The following SLC28A1 variants were observed in gnomAD, a reference collection of about 807,000 sequenced individuals.
SLC28A1 encodes the protein solute carrier family 28 member 1.
Under a neutral mutation model 74.8 loss-of-function variants are expected in SLC28A1, and 64 were observed. The ratio of observed to expected loss-of-function variants is 0.86; its 90% CI spans 0.70 to 1.05. The LOEUF (loss-of-function observed/expected upper bound fraction) is 1.05. Among genes scored for constraint, SLC28A1 ranks in the 50% least tolerant of loss-of-function variants. The pLI, the probability that SLC28A1 is intolerant of heterozygous loss-of-function variation, is 0.00. For missense variants in SLC28A1, 828 were observed against 822.8 expected, an observed-to-expected ratio of 1.01 and a Z score of -0.08; for synonymous variants, 359 against 335.0, an observed-to-expected ratio of 1.07 and a Z score of -0.78.
At position 84,945,313 on chromosome 15, in the gene SLC28A1, C is replaced by T; in HGVS notation, c.*113C>T. The T allele has an allele frequency of 1.0e-6, 1 of 956,380 alleles. No homozygotes were observed. Among genetic ancestry groups the T allele is most frequent in the Non-Finnish European group, 1.7e-6 (1 of 598,258 alleles). The allele number at this position is 956,380 out of a possible 1,614,324, so 59.2% of individuals were successfully genotyped here. A position where few individuals can be genotyped will look rare whatever the true frequency, so the allele number is the denominator to read the frequency against. On this transcript the variant is annotated 3_prime_UTR_variant, in exon 19 of 19. Coordinates refer to ENST00000394573, the MANE Select transcript of SLC28A1 (RefSeq NM_004213.5). ...CTTCAGGGAAGCCACAGGACTTAGACCCAGCTCAATCCCACAATTGGGAAG... is the reference window on the plus strand; with the variant it reads ...CTTCAGGGAAGCCACAGGACTTAGATCCAGCTCAATCCCACAATTGGGAAG...
At chr15:84,894,340 CCAGCCTGGG>C (rs913077958) in intron 5 of SLC28A1, among the ~76,000 whole-genome samples, 5 of 148,542 alleles carry the variant, frequency 3.4e-5, no homozygotes, top group African/African-American at 1.3e-4. Context: ...CCACTGTACT[CCAGCCTGGG>C]CAACAAAGTG....
intron 6 of SLC28A1, among the ~76,000 whole-genome samples, chr15:84,902,064 G>A (rs1966737071): frequency 6.6e-6 from 1 of 152,102 alleles, no homozygotes; most frequent in Admixed American, 6.6e-5. Flanking sequence ...CAGAAACCTA[G>A]ATAAATCTCA....
At chr15:84,912,278 C>A (rs1968370236) in intron 9 of SLC28A1, among the ~76,000 whole-genome samples, 1 of 152,192 alleles carries the variant, frequency 6.6e-6, no homozygotes, top group African/African-American at 2.4e-5. Flanking sequence ...AGGAAGTTCT[C>A]TCTATTCTTT....
At chr15:84,967,098 C>G in the SLC28A1 span, among the ~76,000 whole-genome samples, 1 of 152,118 alleles carries the variant, frequency 6.6e-6, no homozygotes, top group African/African-American at 2.4e-5. Context: ...GTCATTTTAG[C>G]TTCTGTTATT....
chr15:84,939,710 C>T (rs1567187055), intron 15 of SLC28A1: 1 of 151,252 alleles, frequency 6.6e-6, no homozygotes, highest in Non-Finnish European at 1.5e-5. Context: ...TATATGTGCA[C>T]AAGAAGCAAG....
At chr15:84,914,192 C>G (rs1195750796) in intron 9 of SLC28A1, among the ~76,000 whole-genome samples, 1 of 152,168 alleles carries the variant, frequency 6.6e-6, no homozygotes, top group African/African-American at 2.4e-5. Context: ...TCAAGGGATC[C>G]TCTGGCCTCA....
At chr15:84,974,202 G>A in the SLC28A1 span, among the ~76,000 whole-genome samples, 1 of 152,328 alleles carries the variant, frequency 6.6e-6, no homozygotes, top group African/African-American at 2.4e-5. Flanking sequence ...TTTGCATTTT[G>A]CCTCACATTT....
chr15:84,905,505 A>C (rs570660933), intron 7 of SLC28A1, 34 bp from the exon 8 acceptor site: 11 of 1,469,878 alleles, frequency 7.5e-6, no homozygotes, highest in Non-Finnish European at 1.0e-5. Context: ...CCCTCAAGGA[A>C]CTGAACTCAG....
rs1327227776 is a variant in SLC28A1, at chr15:84,916,241, T to G, written c.796-2283T>G. Among the ~76,000 whole-genome samples the G allele has an allele frequency of 2.4e-3, 127 of 52,416 alleles. 16 individuals carry two copies. The highest frequency in any genetic ancestry group is 0.01 in the African/African-American group (121 of 11,722). 34.4% of individuals were successfully genotyped at this position (52,416 alleles called of 152,430 possible). On this transcript the variant is annotated intron_variant, in intron 9 of 18. Transcript: ENST00000394573. ...CGGCCTCCCAAAGTGCTGGGATTACTTTTTTTTTTTTTTTTTCAAACATGG... is the reference window on the plus strand; with the variant it reads ...CGGCCTCCCAAAGTGCTGGGATTACGTTTTTTTTTTTTTTTTCAAACATGG...
chr15:84,959,874 T>C, the SLC28A1 span, among the ~76,000 whole-genome samples: 1 of 152,210 alleles, frequency 6.6e-6, no homozygotes, highest in Non-Finnish European at 1.5e-5. Context: ...TTGTTTTACG[T>C]TCATACGTAA....
At chr15:84,959,364 C>G in the SLC28A1 span, among the ~76,000 whole-genome samples, 1 of 152,064 alleles carries the variant, frequency 6.6e-6, no homozygotes, top group Non-Finnish European at 1.5e-5. Flanking sequence ...CTCGGTCTTC[C>G]AAAGTGCTGG....
chr15:84,926,087 T>C (rs1055223681), intron 12 of SLC28A1, among the ~76,000 whole-genome samples: 1 of 148,152 alleles, frequency 6.7e-6, no homozygotes, highest in Non-Finnish European at 1.5e-5. Flanking sequence ...TTTATTATTT[T>C]ATCATATATC....
At chr15:84,942,280 CA>C (rs1470329599) in intron 15 of SLC28A1, among the ~76,000 whole-genome samples, 7 of 152,130 alleles carry the variant, frequency 4.6e-5, no homozygotes, top group Non-Finnish European at 7.4e-5. Flanking sequence ...CTTTGTGTTA[CA>C]AACAATCCAA....
chr15:84,914,314 C>T (rs1762904661), intron 9 of SLC28A1, among the ~76,000 whole-genome samples: 1 of 152,164 alleles, frequency 6.6e-6, no homozygotes, highest in African/African-American at 2.4e-5. Flanking sequence ...CCAAAGGCTC[C>T]ACCTCCTAAT....
intron 8 of SLC28A1, among the ~76,000 whole-genome samples, chr15:84,906,568 T>C (rs868192399): frequency 0.02 from 247 of 12,372 alleles, 3 homozygotes; most frequent in South Asian, 0.13. Context: ...TTCTTTCTCT[T>C]TCTTTCTTCC....
At chr15:84,949,449 A>T (rs2079341743), downstream of SLC28A1, among the ~76,000 whole-genome samples, 4 of 151,904 alleles carry the variant, frequency 2.6e-5, no homozygotes, top group Admixed American at 2.6e-4. Context: ...GTAGTGCAAA[A>T]ATCCTGGCTT....
intron 6 of SLC28A1, chr15:84,895,375 C>A: frequency 1.9e-6 from 3 of 1,614,040 alleles, no homozygotes; most frequent in Non-Finnish European, 2.5e-6. Context: ...TTCCTCCATT[C>A]AGGGATCCCA....
chr15:84,910,244 G>A (rs113243100), intron 9 of SLC28A1, among the ~76,000 whole-genome samples: 10 of 152,302 alleles, frequency 6.6e-5, no homozygotes, highest in African/African-American at 2.2e-4. Flanking sequence ...ATTGGGAGGG[G>A]GAGCCTATGT....
chr15:84,912,387 C>T (rs1371719745), intron 9 of SLC28A1, among the ~76,000 whole-genome samples: 5 of 152,140 alleles, frequency 3.3e-5, no homozygotes, highest in Admixed American at 6.5e-5. Context: ...AAGCTGCTTC[C>T]TGCTGGGCCA....
Sources: gnomAD v4.1 joint callset for allele counts (sites outside exome capture counted in the v4.1 genomes callset) on GRCh38, gnomAD v4.1.1 for gene constraint, MANE v1.5 for transcripts, NCBI Gene and HGNC (gene_info 2026-07-23, HGNC 2026-07-21) for gene names.